The following PTPRD variants were observed in gnomAD, a reference collection of about 807,000 sequenced individuals.
PTPRD encodes protein tyrosine phosphatase receptor type D.
PTPRD carries 34 observed loss-of-function variants against 214.5 expected under a neutral mutation model. The ratio of observed to expected loss-of-function variants is 0.16; its 90% CI spans 0.12 to 0.21. The LOEUF (loss-of-function observed/expected upper bound fraction) is 0.21. Ranked by LOEUF, PTPRD falls within the 10% of genes least tolerant of loss-of-function variation. PTPRD has a pLI of 1.00. For synonymous variants in PTPRD, 1,128 were observed against 845.7 expected (o/e 1.33, Z -5.79); for missense variants, 2,545 against 2,398.7 (o/e 1.06, Z -1.27).
rs557454565 is a variant in PTPRD at position 8,671,708 on chromosome 9, T to C, written c.65-34864A>G. ...GACCTAAAAAGAAATCTCCAGAAAT[T>C]ATTTTTTACACACCTATTGCTTGAA... On this transcript the variant is annotated intron_variant, in intron 12 of 45. Coordinates refer to ENST00000381196, the MANE Select transcript of PTPRD (RefSeq NM_002839.4). Among the ~76,000 whole-genome samples the C allele has an allele frequency of 1.4e-3, 208 of 152,268 alleles. 1 individual carries two copies. The highest frequency in any genetic ancestry group is 3.4e-3 in the Middle Eastern group (1 of 294).
At chr9:8,757,927 G>A (rs1247580998) in intron 11 of PTPRD, among the ~76,000 whole-genome samples, 1 of 152,054 alleles carries the variant, frequency 6.6e-6, no homozygotes, top group Non-Finnish European at 1.5e-5. Context: ...TTTATAATTT[G>A]AAATCTGGAT....
At chr9:10,561,918 G>C (rs2064081825) in intron 2 of PTPRD, among the ~76,000 whole-genome samples, 1 of 152,022 alleles carries the variant, frequency 6.6e-6, no homozygotes, top group Admixed American at 6.6e-5. Context: ...TGTATTTTAT[G>C]TTTCAGAGGT....
intron 3 of PTPRD, among the ~76,000 whole-genome samples, chr9:10,225,886 A>G (rs1434775219): frequency 1.3e-5 from 2 of 152,058 alleles, no homozygotes; most frequent in African/African-American, 4.8e-5. Flanking sequence ...AGCCAATGAG[A>G]GCAAACAAGT....
At chr9:10,039,139 A>G (rs2097250290) in intron 3 of PTPRD, among the ~76,000 whole-genome samples, 1 of 152,136 alleles carries the variant, frequency 6.6e-6, no homozygotes. Context: ...AATTTCCTAT[A>G]GAATTAAATT....
chr9:8,926,900 G>A (rs2098900313), intron 11 of PTPRD, among the ~76,000 whole-genome samples: 1 of 152,004 alleles, frequency 6.6e-6, no homozygotes, highest in South Asian at 2.1e-4. Context: ...ACAATCTAAG[G>A]CAGAAAACAT....
chr9:10,413,505 A>G (rs1014046338), intron 2 of PTPRD, among the ~76,000 whole-genome samples: 2 of 152,072 alleles, frequency 1.3e-5, no homozygotes, highest in African/African-American at 4.8e-5. Context: ...AATAGGAAGA[A>G]TCAATATCAT....
chr9:8,324,428 A>C (rs1831534857), intron 44 of PTPRD, among the ~76,000 whole-genome samples: 1 of 152,048 alleles, frequency 6.6e-6, no homozygotes, highest in Non-Finnish European at 1.5e-5. Context: ...AAGGACATGA[A>C]CTCATCCTTT....
At chr9:10,561,119 T>C (rs2063854935) in intron 2 of PTPRD, among the ~76,000 whole-genome samples, 1 of 152,104 alleles carries the variant, frequency 6.6e-6, no homozygotes, top group Non-Finnish European at 1.5e-5. Flanking sequence ...ACAGTAGCAT[T>C]GTATTTTAGA....
chr9:9,470,253 AT>A (rs2094498521), intron 8 of PTPRD, among the ~76,000 whole-genome samples: 1 of 152,126 alleles, frequency 6.6e-6, no homozygotes, highest in African/African-American at 2.4e-5. Flanking sequence ...TATTTGCAGC[AT>A]TTTTGTAGAT....
At chr9:8,929,010 A>G (rs962246774) in intron 11 of PTPRD, among the ~76,000 whole-genome samples, 1 of 152,168 alleles carries the variant, frequency 6.6e-6, no homozygotes, top group Admixed American at 6.5e-5. Context: ...GTGTATAGGA[A>G]TGCCTGTGAT....
intron 27 of PTPRD, among the ~76,000 whole-genome samples, chr9:8,487,991 T>G (rs1184024568): frequency 6.6e-6 from 1 of 152,140 alleles, no homozygotes; most frequent in Non-Finnish European, 1.5e-5. Context: ...ATCACACCAT[T>G]GCTGTCCAGC....
At chr9:9,972,428 C>T (rs987603301) in intron 4 of PTPRD, among the ~76,000 whole-genome samples, 1 of 152,172 alleles carries the variant, frequency 6.6e-6, no homozygotes, top group Non-Finnish European at 1.5e-5. Flanking sequence ...GCGAAACTTA[C>T]TGCTATTCCC....
intron 12 of PTPRD, among the ~76,000 whole-genome samples, chr9:8,696,766 A>C (rs2097919109): frequency 6.6e-6 from 1 of 152,176 alleles, no homozygotes; most frequent in African/African-American, 2.4e-5. Context: ...AGGAGTTTTT[A>C]CTTCATTCCA....
chr9:8,336,480 T>A (rs4008204), intron 43 of PTPRD, among the ~76,000 whole-genome samples: 1 of 140,418 alleles, frequency 7.1e-6, no homozygotes, highest in Non-Finnish European at 1.6e-5. Context: ...AGATGTAAAA[T>A]GATGAAAACC....
At chr9:9,881,692 A>C (rs2068746455) in intron 5 of PTPRD, among the ~76,000 whole-genome samples, 1 of 152,080 alleles carries the variant, frequency 6.6e-6, no homozygotes, top group Non-Finnish European at 1.5e-5. Context: ...GTGCCACTTT[A>C]CCGCAACCGT....
At chr9:9,002,454 T>C (rs1010938607) in intron 11 of PTPRD, among the ~76,000 whole-genome samples, 2 of 152,072 alleles carry the variant, frequency 1.3e-5, no homozygotes, top group African/African-American at 2.4e-5. Context: ...AATTGATTAT[T>C]CTATTATATA....
At chr9:8,645,571 A>G (rs755648244) in intron 12 of PTPRD, among the ~76,000 whole-genome samples, 6 of 152,152 alleles carry the variant, frequency 3.9e-5, no homozygotes, top group Non-Finnish European at 7.3e-5. Flanking sequence ...ATAGATATCT[A>G]TGCCTCTGTA....
chr9:8,521,663 C>T (rs2097893136), intron 19 of PTPRD, 117 bp from the exon 20 acceptor site: 2 of 1,183,512 alleles, frequency 1.7e-6, no homozygotes, highest in Non-Finnish European at 2.3e-6. Context: ...GTGGATTGTC[C>T]AAAAACAAAA....
intron 11 of PTPRD, among the ~76,000 whole-genome samples, chr9:8,910,342 G>A (rs964808849): frequency 5.9e-5 from 9 of 152,000 alleles, no homozygotes; most frequent in African/African-American, 1.5e-4. Context: ...TGGCCTTTAT[G>A]TAGAAATTTA....
Sources: gnomAD v4.1 joint callset for allele counts (sites outside exome capture counted in the v4.1 genomes callset) on GRCh38, gnomAD v4.1.1 for gene constraint, MANE v1.5 for transcripts, NCBI Gene and HGNC (gene_info 2026-07-23, HGNC 2026-07-21) for gene names.